SS18: variants seen among roughly 807,000 people sequenced by gnomAD.
SS18 encodes the protein SS18 subunit of BAF chromatin remodeling complex.
SS18 carries 28 observed loss-of-function variants against 72.5 expected under a neutral mutation model. The ratio of observed to expected loss-of-function variants is 0.39; its 90% CI spans 0.29 to 0.53. The LOEUF (loss-of-function observed/expected upper bound fraction) is 0.53. SS18 is among the 20% of genes least tolerant of loss of function. The probability of loss-of-function intolerance (pLI) is 0.76; values close to 1 mark genes in which losing one functional copy is unlikely to be tolerated. For missense variants in SS18, 518 were observed against 535.3 expected (o/e 0.97, Z 0.32); for synonymous variants, 172 against 164.2 (o/e 1.05, Z -0.37).
intron 9 of SS18, among the ~76,000 whole-genome samples, chr18:26,033,346 T>C (rs1289213464): frequency 6.6e-6 from 1 of 152,156 alleles, no homozygotes; most frequent in Non-Finnish European, 1.5e-5. Flanking sequence ...AAACCCCATC[T>C]CTACTAAAAG....
At chr18:26,056,938 A>G (rs927479253) in intron 4 of SS18, among the ~76,000 whole-genome samples, 5 of 152,240 alleles carry the variant, frequency 3.3e-5, no homozygotes, top group South Asian at 2.1e-4. Flanking sequence ...GTCTTAAAAC[A>G]TATCAACCTA....
intron 9 of SS18, among the ~76,000 whole-genome samples, chr18:26,034,652 A>G (rs1455218691): frequency 6.6e-6 from 1 of 152,076 alleles, no homozygotes; most frequent in East Asian, 1.9e-4. Context: ...TTCAAAATAA[A>G]TTTGCTAAGC....
At chr18:26,049,140 T>C (rs2143957158) in intron 5 of SS18, among the ~76,000 whole-genome samples, 2 of 152,336 alleles carry the variant, frequency 1.3e-5, no homozygotes, top group South Asian at 4.1e-4. Context: ...AATATATAAT[T>C]AGTAAAATTC....
Position 26,078,215 on chromosome 18 carries a change from T to G in SS18, c.147-55A>C. 5 of 1,302,158 alleles carry G rather than the reference T, an allele frequency of 3.8e-6. No individual in the cohort carries two copies. In the South Asian group the frequency reaches 6.3e-5, roughly 16 times the overall value. The allele number at this position is 1,302,158 out of a possible 1,614,324, so 80.7% of individuals were successfully genotyped here. ...AAAAATAATTTTCTTCCTACCTGCC[T>G]AAGTACAAACAGCACTATAATCATT... On this transcript the variant is annotated intron_variant, in intron 2 of 10. Coordinates refer to ENST00000415083, the MANE Select transcript of SS18 (RefSeq NM_001007559.3).
intron 3 of SS18, among the ~76,000 whole-genome samples, chr18:26,072,594 G>A (rs1018721873): frequency 6.6e-5 from 10 of 151,846 alleles, no homozygotes; most frequent in African/African-American, 1.5e-4. Context: ...TCAGGAGATC[G>A]AGACCATCCT....
Position 26,031,571 on chromosome 18 carries a change from A to G in SS18, c.1230+828T>C, listed in dbSNP as rs145842656. ...TGCCATAATAATAAATCATTTCCATAATAATTCAGAGTATATATGAGTACA... is the reference window on the plus strand; with the variant it reads ...TGCCATAATAATAAATCATTTCCATGATAATTCAGAGTATATATGAGTACA... On this transcript the variant is annotated intron_variant, in intron 10 of 10. Coordinates refer to ENST00000415083, the MANE Select transcript of SS18 (RefSeq NM_001007559.3). Among the ~76,000 whole-genome samples the G allele has an allele frequency of 2.3e-3, 343 of 152,342 alleles. 3 individuals carry two copies. Among genetic ancestry groups the G allele is most frequent in the African/African-American group, 7.6e-3 (315 of 41,572 alleles).
chr18:26,088,430 A>T (rs1232765733), intron 1 of SS18, among the ~76,000 whole-genome samples: 3 of 152,198 alleles, frequency 2.0e-5, no homozygotes, highest in Admixed American at 1.3e-4. Context: ...ATGAGATAAT[A>T]ATTAAACATA....
chr18:26,049,169 A>G (rs1164109712), intron 5 of SS18, among the ~76,000 whole-genome samples: 1 of 152,238 alleles, frequency 6.6e-6, no homozygotes, highest in Non-Finnish European at 1.5e-5. Context: ...GTGGAAAGCT[A>G]TAATTACTAA....
At chr18:26,065,716 A>G (rs1011959078) in intron 3 of SS18, among the ~76,000 whole-genome samples, 9 of 148,066 alleles carry the variant, frequency 6.1e-5, no homozygotes, top group South Asian at 4.3e-4. Context: ...TAAAAAGACA[A>G]TTTTCAAACT....
rs536079264 is a variant in SS18, at chr18:26,045,325, T to A, written c.608-5869A>T. Among the ~76,000 whole-genome samples the A allele has an allele frequency of 5.3e-4, 80 of 152,296 alleles. 2 individuals are homozygous for A. In the Middle Eastern group the frequency reaches 0.01, roughly 19 times the overall value. On this transcript the variant is annotated intron_variant, in intron 5 of 10. Coordinates refer to ENST00000415083, the MANE Select transcript of SS18 (RefSeq NM_001007559.3). Reference sequence around the variant, plus strand: ...ACTGAAAGACTTTCAAGGCCTAGCCTTCAACTATCTCTTGGACCTTATTTC... The same window carrying A: ...ACTGAAAGACTTTCAAGGCCTAGCCATCAACTATCTCTTGGACCTTATTTC...
chr18:26,054,924 A>C (rs1344703814), intron 4 of SS18, among the ~76,000 whole-genome samples: 1 of 151,974 alleles, frequency 6.6e-6, no homozygotes, highest in Non-Finnish European at 1.5e-5. Flanking sequence ...TTTTTAGTAG[A>C]GATGAGGTTT....
At position 26,080,737 on chromosome 18, in the gene SS18, A is replaced by G. The variant is rs374616919; in HGVS notation, c.147-2577T>C. ...TATATTTTTTCTCCCAGATTCTCTA[A>G]TGATTAGTATTTTACCACATTTTTC... is the stretch of plus-strand genomic sequence containing the variant. On this transcript the variant is annotated intron_variant, in intron 2 of 10. Coordinates refer to ENST00000415083, the MANE Select transcript of SS18 (RefSeq NM_001007559.3). 1.3e-4 allele frequency among the ~76,000 whole-genome samples: 20 copies of G among 152,306 alleles called. No individual in the cohort carries two copies. In the East Asian group the frequency reaches 1.5e-3, roughly 12 times the overall value.
upstream of SS18, chr18:26,091,007 C>A: frequency 4.7e-6 from 1 of 214,102 alleles, no homozygotes; most frequent in Non-Finnish European, 9.4e-6. Context: ...AACTTGCCTC[C>A]CTCTCCGGCC....
chr18:26,063,976 A>G (rs947772395), intron 3 of SS18, among the ~76,000 whole-genome samples: 1 of 152,160 alleles, frequency 6.6e-6, no homozygotes, highest in South Asian at 2.1e-4. Context: ...TAAAAGGAAA[A>G]TAAGGGGATA....
rs1396856761 is a variant in SS18 at position 26,090,603 on chromosome 18, G to A, written c.-34C>T. The A allele has an allele frequency of 1.3e-6, 2 of 1,555,324 alleles. No homozygotes were observed. Among genetic ancestry groups the A allele is most frequent in the Admixed American group, 1.9e-5 (1 of 52,096 alleles). On this transcript the variant is annotated 5_prime_UTR_variant, in exon 1 of 11. Coordinates refer to ENST00000415083, the MANE Select transcript of SS18 (RefSeq NM_001007559.3). ...CGTCACCACTATCGGCAAGTCCCGA[G>A]CGCTCCGGGTGAACGGCAAACTGGG... is the stretch of plus-strand genomic sequence containing the variant.
chr18:26,075,667 G>A (rs1290165432), intron 3 of SS18, among the ~76,000 whole-genome samples: 1 of 151,884 alleles, frequency 6.6e-6, no homozygotes, highest in East Asian at 1.9e-4. Flanking sequence ...TTTGAGATCA[G>A]GAACAAGACA....
chr18:26,037,030 T>C (rs1450510687), intron 7 of SS18, among the ~76,000 whole-genome samples: 2 of 152,130 alleles, frequency 1.3e-5, no homozygotes, highest in Non-Finnish European at 1.5e-5. Context: ...TCCTAATCTA[T>C]ATATTTACTA....
intron 10 of SS18, among the ~76,000 whole-genome samples, chr18:26,025,076 T>A (rs1651426358): frequency 6.6e-6 from 1 of 152,226 alleles, no homozygotes; most frequent in African/African-American, 2.4e-5. Flanking sequence ...TATTTGATAA[T>A]GGTAAAGGAG....
Position 26,037,498 on chromosome 18 carries a change from TGAA to T in SS18, c.880+1054_880+1056del, listed in dbSNP as rs533759817. On this transcript the variant is annotated intron_variant, in intron 7 of 10. Transcript: ENST00000415083. Reference sequence around the variant, plus strand: ...AAAATCTTAATACCATGTTTACATATGAAAAGAAAAAACAAAACAAAAACCAAT... The same window carrying T: ...AAAATCTTAATACCATGTTTACATATAAGAAAAAACAAAACAAAAACCAAT... Among the ~76,000 whole-genome samples the T allele has an allele frequency of 3.4e-4, 52 of 152,214 alleles. No homozygotes were observed. In the East Asian group the frequency reaches 9.2e-3, roughly 27 times the overall value.
Sources: allele counts gnomAD v4.1 joint callset (sites outside exome capture counted in the v4.1 genomes callset), GRCh38; gene constraint gnomAD v4.1.1; transcripts MANE v1.5; gene names NCBI Gene and HGNC (gene_info 2026-07-23, HGNC 2026-07-21).